E2F4: variants seen among roughly 807,000 people sequenced by gnomAD.
The protein encoded by E2F4 is transcription factor E2F4.
Under a neutral mutation model 44.5 loss-of-function variants are expected in E2F4, and 16 were observed. The ratio of observed to expected loss-of-function variants is 0.36; its 90% CI spans 0.24 to 0.55. E2F4 has a LOEUF of 0.55. Ranked by LOEUF, E2F4 falls within the 20% of genes least tolerant of loss-of-function variation. The pLI, the probability that E2F4 is intolerant of heterozygous loss-of-function variation, is 0.87. For missense variants in E2F4, 473 were observed against 522.1 expected (o/e 0.91, Z 0.92); for synonymous variants, 242 against 207.2 (o/e 1.17, Z -1.44).
intron 7 of E2F4, among the ~76,000 whole-genome samples, chr16:67,197,347 G>T (rs533731588): frequency 9.5e-4 from 144 of 152,330 alleles, no homozygotes; most frequent in Non-Finnish European, 1.5e-3. Flanking sequence ...AGAGGCTTCT[G>T]TGGCCTTTCC....
Position 67,194,457 on chromosome 16 carries a change from G to C in E2F4, c.511G>C (p.Glu171Gln), listed in dbSNP as rs776471131. 6.2e-7 allele frequency: 1 copy of C among 1,613,946 alleles called. No individual in the cohort carries two copies. The highest frequency in any genetic ancestry group is 8.5e-7 in the Non-Finnish European group (1 of 1,180,026). The stretch of plus-strand genomic sequence containing the variant: ...CACCAGCCTGGAGGTGCCCATCCCA[G>C]AGGTGGGTGCTTAGCCCAGGCAGGC... ...SGTSLEVPIPEGLNGQKKYQI... is the reference protein window; with the variant it reads ...SGTSLEVPIPQGLNGQKKYQI... Residue 171 changes from glutamate to glutamine, a missense_variant and splice_region_variant, in exon 5 of 10, where the codon GAG becomes CAG. Coordinates refer to ENST00000379378, the MANE Select transcript of E2F4 (RefSeq NM_001950.4).
intron 6 of E2F4, 33 bp downstream of exon 6, chr16:67,195,013 C>G (rs1346492114): frequency 1.1e-5 from 17 of 1,597,380 alleles, no homozygotes; most frequent in African/African-American, 1.3e-5. Context: ...GACAGAGGCC[C>G]AAGAGGTAGT....
Position 67,195,772 on chromosome 16 carries a change from A to C in E2F4, c.809-10A>C. On this transcript the variant is annotated splice_polypyrimidine_tract_variant and intron_variant, in intron 6 of 9. Coordinates refer to ENST00000379378, the MANE Select transcript of E2F4 (RefSeq NM_001950.4). ...CCTTGTATGACTGGGTTTGGGGGCT[A>C]TCATTGTAGTGAGTGGCGGCCCTGG... is the stretch of plus-strand genomic sequence containing the variant. 3 of 1,613,984 alleles carry C rather than the reference A, an allele frequency of 1.9e-6. No individual in the cohort carries two copies. Among genetic ancestry groups the C allele is most frequent in the East Asian group, 2.2e-5 (1 of 44,876 alleles).
Position 67,192,178 on chromosome 16 carries a change from C to G in E2F4, c.-50C>G, listed in dbSNP as rs546771691. On this transcript the variant is annotated 5_prime_UTR_variant, in exon 1 of 10. Coordinates refer to ENST00000379378, the MANE Select transcript of E2F4 (RefSeq NM_001950.4). ...CCAGGAACGGAAGCGGAAGTGGCGG[C>G]GGCGCCGGCCTGGCCTGGCCTGGCT... The G allele has an allele frequency of 2.6e-6, 3 of 1,158,028 alleles. 1 individual carries two copies. The highest frequency in any genetic ancestry group is 8.5e-5 in the South Asian group (2 of 23,596). The allele number at this position is 1,158,028 out of a possible 1,614,324, so 71.7% of individuals were successfully genotyped here.
intron 4 of E2F4, chr16:67,194,054 T>A (rs1409076707): frequency 1.0e-5 from 3 of 294,574 alleles, no homozygotes; most frequent in African/African-American, 6.6e-5. Flanking sequence ...CCCGCTGATG[T>A]GTTTCTTCTC....
At chr16:67,197,760 G>T in intron 8 of E2F4, 107 bp from the exon 9 acceptor site, 1 of 1,600,692 alleles carries the variant, frequency 6.2e-7, no homozygotes, top group Non-Finnish European at 8.6e-7. Context: ...GGTAACTGGG[G>T]CAAAGGGTGA....
Position 67,193,430 on chromosome 16 carries a change from C to CT in E2F4, c.408-41dup, listed in dbSNP as rs374709097. The CT allele has an allele frequency of 3.0e-4, 485 of 1,608,362 alleles. 1 individual carries two copies. The African/African-American group carries it at 5.8e-3, about 19-fold the overall frequency. Reference sequence around the variant, plus strand: ...TTGGGTCTTTTCTGTAGTCTGCCATCTGTCACCATAGGGCATCAGCCATTC... The same window carrying CT: ...TTGGGTCTTTTCTGTAGTCTGCCATCTTGTCACCATAGGGCATCAGCCATTC... On this transcript the variant is annotated intron_variant, in intron 3 of 9. Transcript: ENST00000379378.
In E2F4 at chr16:67,196,059, C is replaced by A. The variant is rs1056479001; in HGVS notation, c.1033+53C>A. The stretch of plus-strand genomic sequence containing the variant: ...AGAGAGAGTCTAGCCTCAGTCCAGT[C>A]CTAGGTCAGAAAACAGAATTGGGGA... On this transcript the variant is annotated intron_variant, in intron 7 of 9. Coordinates refer to ENST00000379378, the MANE Select transcript of E2F4 (RefSeq NM_001950.4). 4 of 1,605,874 alleles carry A rather than the reference C, an allele frequency of 2.5e-6. No individual in the cohort carries two copies. In the East Asian group the frequency reaches 9.0e-5, roughly 36 times the overall value.
intron 1 of E2F4, 68 bp downstream of exon 1, chr16:67,192,430 CG>C: frequency 1.4e-6 from 2 of 1,395,744 alleles, no homozygotes. Flanking sequence ...GCGGGAACCC[CG>C]GGGGCGGCCC....
In E2F4 at chr16:67,197,588, T is replaced by G. The variant is rs1313129609; in HGVS notation, c.1034-11T>G. The G allele has an allele frequency of 1.2e-6, 2 of 1,614,174 alleles. No individual in the cohort carries two copies. Among genetic ancestry groups the G allele is most frequent in the Non-Finnish European group, 1.7e-6 (2 of 1,180,020 alleles). ...CCTCTGTGCCCTGAGCATGGCTTTC[T>G]TGTTTTTCAGTTTTGGAACTCCCCA... On this transcript the variant is annotated splice_polypyrimidine_tract_variant and intron_variant, in intron 7 of 9. Transcript: ENST00000379378.
chr16:67,196,553 GTGTCCTTAAACAT>G (rs2032973088), intron 7 of E2F4, among the ~76,000 whole-genome samples: 1 of 152,174 alleles, frequency 6.6e-6, no homozygotes, highest in Admixed American at 6.5e-5. Flanking sequence ...CTTCCCTGGC[GTGTCCTTAAACAT>G]TGCTGTTTTT....
At chr16:67,196,123 A>G in intron 7 of E2F4, 117 bp downstream of exon 7, 1 of 1,469,464 alleles carries the variant, frequency 6.8e-7, no homozygotes, top group Non-Finnish European at 9.4e-7. Context: ...TGGACACGAG[A>G]GCTCTCTGCC....
chr16:67,198,259 A>G lies in E2F4; in HGVS notation c.*136A>G, dbSNP rs2033007553. 1 of 723,146 alleles carries G rather than the reference A, an allele frequency of 1.4e-6. No individual in the cohort carries two copies. Among genetic ancestry groups the G allele is most frequent in the Non-Finnish European group, 2.4e-6 (1 of 421,458 alleles). The allele number at this position is 723,146 out of a possible 1,614,324, so 44.8% of individuals were successfully genotyped here. A position where few individuals can be genotyped will look rare whatever the true frequency, so the allele number is the denominator to read the frequency against. ...CTTCTCCGGCCTCCCCTCACCGCAC[A>G]GTTCTGGCCACAGCTCCCGCTCCTG... On this transcript the variant is annotated 3_prime_UTR_variant, in exon 10 of 10. Transcript: ENST00000379378.
intron 1 of E2F4, 192 bp from the exon 2 acceptor site, chr16:67,192,569 C>G (rs1410198465): frequency 3.1e-6 from 3 of 972,690 alleles, no homozygotes; most frequent in Non-Finnish European, 4.4e-6. Flanking sequence ...TGCAGGTGTT[C>G]GTCCTCGTGG....
At position 67,193,147 on chromosome 16, in the gene E2F4, C is replaced by A; in HGVS notation, c.384C>A (p.Val128=). ...GGGTGCAGCAGAGCATCCGGAACGTCACAGAGGACGTGCAGAACAGCTGAT... is the reference window on the plus strand; with the variant it reads ...GGGTGCAGCAGAGCATCCGGAACGTAACAGAGGACGTGCAGAACAGCTGAT... ...KVWVQQSIRN[V]TEDVQNSCLA... is the part of the protein sequence containing the mutation. The change falls in exon 3 of 10, where the codon GTC becomes GTA. Residue 128 remains valine (V), a synonymous_variant. Coordinates refer to ENST00000379378, the MANE Select transcript of E2F4 (RefSeq NM_001950.4). The A allele has an allele frequency of 6.4e-7, 1 of 1,572,784 alleles. No homozygotes were observed. Among genetic ancestry groups the A allele is most frequent in the Non-Finnish European group, 8.6e-7 (1 of 1,158,818 alleles).
intron 7 of E2F4, 135 bp downstream of exon 7, chr16:67,196,141 C>T: frequency 7.4e-7 from 1 of 1,345,156 alleles, no homozygotes; most frequent in Non-Finnish European, 1.0e-6. Flanking sequence ...GCCAGCACCT[C>T]TGGGTCAGTG....
At chr16:67,196,724 T>C (rs2032975504) in intron 7 of E2F4, among the ~76,000 whole-genome samples, 1 of 152,240 alleles carries the variant, frequency 6.6e-6, no homozygotes, top group South Asian at 2.1e-4. Flanking sequence ...ACTTTATTCC[T>C]GCATGTCCTC....
chr16:67,197,806 G>A, intron 8 of E2F4, 61 bp from the exon 9 acceptor site: 1 of 1,612,524 alleles, frequency 6.2e-7, no homozygotes, highest in South Asian at 1.1e-5. Flanking sequence ...CCTTTCCTGG[G>A]CTTTGGTGGG....
chr16:67,192,415 C>T (rs1487433943), intron 1 of E2F4, 53 bp downstream of exon 1: 58 of 1,410,700 alleles, frequency 4.1e-5, no homozygotes, highest in Non-Finnish European at 4.9e-5. Flanking sequence ...AGGCCTGGGC[C>T]GGTAGCGGGA....
Sources: allele counts gnomAD v4.1 joint callset (sites outside exome capture counted in the v4.1 genomes callset), GRCh38; gene constraint gnomAD v4.1.1; transcripts MANE v1.5; gene names NCBI Gene and HGNC (gene_info 2026-07-23, HGNC 2026-07-21).